The following EZH1 variants were observed in gnomAD, a reference collection of about 807,000 sequenced individuals.
The protein encoded by EZH1 is enhancer of zeste 1 polycomb repressive complex 2 subunit.
Under a neutral mutation model 100.5 loss-of-function variants are expected in EZH1, and 33 were observed. The ratio of observed to expected loss-of-function variants is 0.33; its 90% CI spans 0.25 to 0.44. The LOEUF (loss-of-function observed/expected upper bound fraction) is 0.44, where lower values mean the gene tolerates loss of function less well. EZH1 is among the 20% of genes least tolerant of loss of function. The pLI, the probability that EZH1 is intolerant of heterozygous loss-of-function variation, is 1.00. For missense variants in EZH1, 475 were observed against 928.4 expected (o/e 0.51, Z 6.35); for synonymous variants, 272 against 313.8 (o/e 0.87, Z 1.41).
chr17:42,727,885 C>T lies in EZH1; in HGVS notation c.118-122G>A, dbSNP rs143626313. On this transcript the variant is annotated intron_variant, in intron 3 of 20. Coordinates refer to ENST00000428826, the MANE Select transcript of EZH1 (RefSeq NM_001991.5). Reference sequence around the variant, plus strand: ...AGGCTGGAGTGTAGTAGCGCGATCTCAGCTCACCACAACCTCCGCCTCCCG... The same window carrying T: ...AGGCTGGAGTGTAGTAGCGCGATCTTAGCTCACCACAACCTCCGCCTCCCG... The T allele has an allele frequency of 2.9e-3, 1,900 of 651,536 alleles. 32 individuals carry two copies. The African/African-American group carries it at 0.035, about 12-fold the overall frequency. The allele number at this position is 651,536 out of a possible 1,614,324, so 40.4% of individuals were successfully genotyped here.
chr17:42,737,054 C>T (rs907314260), intron 1 of EZH1, among the ~76,000 whole-genome samples: 1 of 148,506 alleles, frequency 6.7e-6, no homozygotes, highest in Middle Eastern at 3.6e-3. Flanking sequence ...GATGCAATCT[C>T]GGCTCACTGC....
intron 6 of EZH1, among the ~76,000 whole-genome samples, chr17:42,722,021 G>A (rs1341101121): frequency 5.3e-5 from 8 of 151,784 alleles, no homozygotes; most frequent in South Asian, 2.1e-4. Context: ...TGTGGTAGGC[G>A]CCTGTAGTCC....
Position 42,730,932 on chromosome 17 carries a change from A to G in EZH1, c.-102-14T>C. ...ACAGGTGTCCAGCTTTTCAAAAGAGAACAGACAGTGGTTCTATTAAGTTAG... is the reference window on the plus strand; with the variant it reads ...ACAGGTGTCCAGCTTTTCAAAAGAGGACAGACAGTGGTTCTATTAAGTTAG... On this transcript the variant is annotated splice_polypyrimidine_tract_variant and intron_variant, in intron 1 of 20. Transcript: ENST00000428826. The G allele has an allele frequency of 2.0e-6, 2 of 982,674 alleles. No individual in the cohort carries two copies. The highest frequency in any genetic ancestry group is 2.4e-6 in the Non-Finnish European group (2 of 827,390). 60.9% of individuals were successfully genotyped at this position (982,674 alleles called of 1,614,324 possible). A position where few individuals can be genotyped will look rare whatever the true frequency, so the allele number is the denominator to read the frequency against.
chr17:42,715,266 GTATT>G (rs887878957), intron 10 of EZH1, among the ~76,000 whole-genome samples: 3 of 141,602 alleles, frequency 2.1e-5, no homozygotes, highest in African/African-American at 7.9e-5. Flanking sequence ...TAGATTATAT[GTATT>G]TATATATATA....
chr17:42,733,047 A>AG (rs1568004883), intron 1 of EZH1, among the ~76,000 whole-genome samples: 1 of 151,494 alleles, frequency 6.6e-6, no homozygotes, highest in Non-Finnish European at 1.5e-5. Flanking sequence ...AAAAAAAAAA[A>AG]AAAGAAAAAG....
At chr17:42,705,483 C>T (rs545539270) in intron 16 of EZH1, 1 of 226,872 alleles carries the variant, frequency 4.4e-6, no homozygotes, top group African/African-American at 2.3e-5. Flanking sequence ...GGTGCATACA[C>T]CTCGCAGCTC....
At chr17:42,729,952 G>A (rs1369299551) in intron 2 of EZH1, among the ~76,000 whole-genome samples, 1 of 146,538 alleles carries the variant, frequency 6.8e-6, no homozygotes, top group Non-Finnish European at 1.5e-5. Context: ...GCAGGAGAAT[G>A]GCTTGAAACC....
chr17:42,734,622 T>C (rs1326325699), intron 1 of EZH1, among the ~76,000 whole-genome samples: 6 of 150,452 alleles, frequency 4.0e-5, no homozygotes, highest in Non-Finnish European at 8.9e-5. Flanking sequence ...TGAGCCATGA[T>C]TGTGCCTCTG....
Position 42,718,215 on chromosome 17 carries a change from A to G in EZH1, c.932-148T>C. 1 of 852,452 alleles carries G rather than the reference A, an allele frequency of 1.2e-6. No homozygotes were observed. The highest frequency in any genetic ancestry group is 1.8e-6 in the Non-Finnish European group (1 of 548,238). 52.8% of individuals were successfully genotyped at this position (852,452 alleles called of 1,614,324 possible). A position where few individuals can be genotyped will look rare whatever the true frequency, so the allele number is the denominator to read the frequency against. ...TGCACAAAATTCAGTCATTTCTGAC[A>G]TCAACACAATGCTTTCAAAGCTAAG... On this transcript the variant is annotated intron_variant, in intron 9 of 20. Transcript: ENST00000428826. The surrounding 1 kb of genome is among the most constrained non-coding windows in gnomAD (Gnocchi z 4.2).
chr17:42,709,053 G>T, intron 13 of EZH1, 137 bp from the exon 14 acceptor site: 1 of 902,856 alleles, frequency 1.1e-6, no homozygotes, highest in Non-Finnish European at 1.8e-6. Flanking sequence ...TCAACAGGAC[G>T]ACTTTGGTAC....
chr17:42,717,053 A>G (rs79843574), intron 10 of EZH1, among the ~76,000 whole-genome samples: 2,985 of 152,236 alleles, frequency 0.02, 98 homozygotes, highest in African/African-American at 0.068. Context: ...CCTGACTTGA[A>G]TTTCATCGCT....
At chr17:42,726,014 G>C (rs2053812345) in intron 4 of EZH1, among the ~76,000 whole-genome samples, 1 of 151,890 alleles carries the variant, frequency 6.6e-6, no homozygotes, top group South Asian at 2.1e-4. Flanking sequence ...GAGTAGCTGG[G>C]ATTATAGGTG....
chr17:42,713,037 CAAA>C (rs10664421), intron 11 of EZH1, among the ~76,000 whole-genome samples, 169 bp downstream of exon 11: 4 of 83,998 alleles, frequency 4.8e-5, no homozygotes, highest in Admixed American at 1.6e-4. Flanking sequence ...GAGACTGTTT[CAAA>C]AAAAAAAAAA....
At chr17:42,728,387 T>TACAG (rs1167011606) in intron 3 of EZH1, among the ~76,000 whole-genome samples, 1 of 150,226 alleles carries the variant, frequency 6.7e-6, no homozygotes, top group Non-Finnish European at 1.5e-5. Flanking sequence ...GTGCTGGGAT[T>TACAG]ACAGGTGTGA....
chr17:42,744,362 G>A (rs1341470326), intron 1 of EZH1, among the ~76,000 whole-genome samples: 2 of 152,172 alleles, frequency 1.3e-5, no homozygotes, highest in African/African-American at 4.8e-5. Flanking sequence ...ATTGGCGTGA[G>A]ACCAAAAGTC....
intron 11 of EZH1, 71 bp from the exon 12 acceptor site, chr17:42,712,556 T>TA: frequency 1.4e-6 from 2 of 1,384,872 alleles, no homozygotes; most frequent in Non-Finnish European, 2.0e-6. Flanking sequence ...TGTCACAAAC[T>TA]CAGAAGTACT....
intron 11 of EZH1, 115 bp downstream of exon 11, chr17:42,713,094 G>T (rs568370880): frequency 3.6e-5 from 25 of 695,392 alleles, no homozygotes; most frequent in East Asian, 7.3e-5. Flanking sequence ...TACAAAACTT[G>T]TAGAAAGAAT....
At chr17:42,708,113 T>C (rs2053397438) in intron 14 of EZH1, 30 bp from the exon 15 acceptor site, 1 of 1,571,594 alleles carries the variant, frequency 6.4e-7, no homozygotes, top group African/African-American at 1.4e-5. Context: ...AGGATGCTGC[T>C]GTGACCATAC....
intron 10 of EZH1, among the ~76,000 whole-genome samples, chr17:42,715,515 G>A (rs1169051699): frequency 6.6e-6 from 1 of 151,782 alleles, no homozygotes; most frequent in Non-Finnish European, 1.5e-5. Context: ...CCAAATTGCT[G>A]GGATTACAGG....
Sources: allele counts gnomAD v4.1 joint callset (sites outside exome capture counted in the v4.1 genomes callset), GRCh38; gene constraint gnomAD v4.1.1; non-coding constraint Gnocchi (gnomAD v3.1); transcripts MANE v1.5; gene names NCBI Gene and HGNC (gene_info 2026-07-23, HGNC 2026-07-21).